Variants in THSD4 observed in about 807,000 individuals in gnomAD.
THSD4 encodes thrombospondin type-1 domain-containing protein 4.
In THSD4, 69 loss-of-function variants were observed where a neutral mutation model predicts 119.0. The observed-to-expected ratio is 0.58, with a 90% CI of 0.48 to 0.71. The LOEUF is 0.71. Ranked by LOEUF, THSD4 falls within the 30% of genes least tolerant of loss-of-function variation. The probability of loss-of-function intolerance (pLI) is 0.00; values close to 1 mark genes in which losing one functional copy is unlikely to be tolerated. For missense variants in THSD4, 1,393 were observed against 1,391.1 expected (o/e 1.00, Z -0.02); for synonymous variants, 524 against 540.4 (o/e 0.97, Z 0.42).
intron 8 of THSD4, among the ~76,000 whole-genome samples, chr15:71,674,437 A>G (rs1371391570): frequency 4.6e-5 from 7 of 152,198 alleles, no homozygotes; most frequent in African/African-American, 7.2e-5. Flanking sequence ...AATACCCTGC[A>G]TGTCAACCCT....
chr15:71,710,137 C>G (rs777404238), intron 8 of THSD4, among the ~76,000 whole-genome samples: 2 of 152,178 alleles, frequency 1.3e-5, no homozygotes, highest in Non-Finnish European at 2.9e-5. Flanking sequence ...TGGAAGTTTT[C>G]CAGTTTATTT....
At chr15:71,398,143 G>A (rs1486692699) in intron 6 of THSD4, among the ~76,000 whole-genome samples, 1 of 152,190 alleles carries the variant, frequency 6.6e-6, no homozygotes, top group Non-Finnish European at 1.5e-5. Context: ...GGCTATGACA[G>A]AGGAAGCTTC....
intron 7 of THSD4, among the ~76,000 whole-genome samples, chr15:71,640,076 T>G (rs2140961403): frequency 6.6e-6 from 1 of 152,220 alleles, no homozygotes; most frequent in South Asian, 2.1e-4. Context: ...ACGGCAACTT[T>G]TTTTTGCAAC....
chr15:71,691,719 G>A (rs1038002862), intron 8 of THSD4, among the ~76,000 whole-genome samples: 3 of 152,224 alleles, frequency 2.0e-5, no homozygotes, highest in African/African-American at 7.2e-5. Flanking sequence ...CCCCTGGGAA[G>A]TGTTTCTCTT....
intron 7 of THSD4, among the ~76,000 whole-genome samples, chr15:71,634,187 C>CAAAA (rs60080654): frequency 7.9e-6 from 1 of 126,106 alleles, no homozygotes. Context: ...AACTCCGTCT[C>CAAAA]AAAAAAAAAA....
chr15:71,584,045 C>T lies in THSD4; in HGVS notation c.1153-76485C>T, dbSNP rs1454029101. Among the ~76,000 whole-genome samples the T allele has an allele frequency of 2.6e-5, 4 of 152,038 alleles. No homozygotes were observed. In the East Asian group the frequency reaches 7.7e-4, roughly 29 times the overall value. ...TTATTGTAATGCTGTCTATTTTTAC[C>T]TTCAGTTCTGTCAATATTGGGTGCT... On this transcript the variant is annotated intron_variant, in intron 7 of 17. Coordinates refer to ENST00000261862, the MANE Select transcript of THSD4 (RefSeq NM_024817.3).
upstream of THSD4, chr15:71,113,676 G>A (rs900857507): frequency 5.3e-5 from 8 of 152,112 alleles, no homozygotes; most frequent in African/African-American, 1.7e-4. Flanking sequence ...CATCTTCTTC[G>A]CCTCACGTGG....
rs201073789 is a variant in THSD4, at chr15:71,425,368, GA to G, written c.1152+13552del. On this transcript the variant is annotated intron_variant, in intron 7 of 17. Coordinates refer to ENST00000261862, the MANE Select transcript of THSD4 (RefSeq NM_024817.3). The stretch of plus-strand genomic sequence containing the variant: ...AGAAAGAGTTGTTTATATGTGTTGG[GA>G]AAAAAATTTTCTAAGTCTTTTCCCT... Among the ~76,000 whole-genome samples the G allele has an allele frequency of 5.6e-3, 858 of 152,200 alleles. 6 individuals carry two copies. Among genetic ancestry groups the G allele is most frequent in the African/African-American group, 0.019 (792 of 41,542 alleles).
intron 6 of THSD4, among the ~76,000 whole-genome samples, chr15:71,393,312 G>A (rs766368456): frequency 1.8e-4 from 28 of 152,032 alleles, no homozygotes; most frequent in Admixed American, 7.9e-4. Flanking sequence ...AAATAACTGC[G>A]GCCTGAATGG....
In THSD4 at chr15:71,316,646, T is replaced by G. The variant is rs532647028; in HGVS notation, c.1015+59931T>G. Among the ~76,000 whole-genome samples, 52 of 152,300 alleles carry G rather than the reference T, an allele frequency of 3.4e-4. 1 individual carries two copies. In the South Asian group the frequency reaches 8.7e-3, roughly 26 times the overall value. ...AGGCCTGGCTTAGTGGCTGAAGGCC[T>G]AGATACAACTGAACCTGGGGCAAGC... is the stretch of plus-strand genomic sequence containing the variant. On this transcript the variant is annotated intron_variant, in intron 6 of 17. Coordinates refer to ENST00000261862, the MANE Select transcript of THSD4 (RefSeq NM_024817.3).
chr15:71,155,874 C>A (rs1481869528), intron 3 of THSD4, among the ~76,000 whole-genome samples: 2 of 152,096 alleles, frequency 1.3e-5, no homozygotes, highest in Admixed American at 6.6e-5. Flanking sequence ...GCTGGTGACT[C>A]CCTTTGGCCA....
At chr15:71,161,438 G>A (rs2043248950) in intron 3 of THSD4, among the ~76,000 whole-genome samples, 1 of 151,980 alleles carries the variant, frequency 6.6e-6, no homozygotes, top group South Asian at 2.1e-4. Flanking sequence ...CCAGTGTTGG[G>A]TGCATACGTA....
chr15:71,100,320 C>G, intron 1 of THSD4, among the ~76,000 whole-genome samples: 1 of 152,204 alleles, frequency 6.6e-6, no homozygotes, highest in East Asian at 1.9e-4. Flanking sequence ...TAGACTCACT[C>G]TCTTCCTGGC....
At chr15:71,145,881 G>A (rs1318739684) in intron 2 of THSD4, among the ~76,000 whole-genome samples, 1 of 152,016 alleles carries the variant, frequency 6.6e-6, no homozygotes, top group African/African-American at 2.4e-5. Context: ...AGCAGGAGGA[G>A]GAGGGGAAGA....
At chr15:71,295,969 A>T (rs2044856541) in intron 6 of THSD4, among the ~76,000 whole-genome samples, 1 of 152,206 alleles carries the variant, frequency 6.6e-6, no homozygotes, top group Non-Finnish European at 1.5e-5. Flanking sequence ...GAGGTTCATT[A>T]ATACTGTAGC....
chr15:71,424,565 T>G (rs912873269), intron 7 of THSD4, among the ~76,000 whole-genome samples: 1 of 152,172 alleles, frequency 6.6e-6, no homozygotes, highest in African/African-American at 2.4e-5. Flanking sequence ...CCCAACCCCT[T>G]TCTCCAGACA....
intron 7 of THSD4, among the ~76,000 whole-genome samples, chr15:71,598,747 A>G (rs2049952400): frequency 1.3e-5 from 2 of 151,894 alleles, no homozygotes; most frequent in Admixed American, 1.3e-4. Flanking sequence ...CCTCCCTACT[A>G]GCTGGGACTA....
chr15:71,776,163 A>C (rs1490424924), intron 17 of THSD4, among the ~76,000 whole-genome samples: 1 of 152,246 alleles, frequency 6.6e-6, no homozygotes, highest in African/African-American at 2.4e-5. Flanking sequence ...TTCAGAGTAC[A>C]GAAGGGTTTT....
Position 71,734,901 on chromosome 15 carries a change from C to T in THSD4, c.1631-2831C>T, listed in dbSNP as rs182484573. On this transcript the variant is annotated intron_variant, in intron 10 of 17. Transcript: ENST00000261862. Reference sequence around the variant, plus strand: ...AGTCTAACCCTTTGGTGGGATTTTGCCTAGCCCTTTTCTATGCATACACAA... The same window carrying T: ...AGTCTAACCCTTTGGTGGGATTTTGTCTAGCCCTTTTCTATGCATACACAA... Among the ~76,000 whole-genome samples, 36 of 151,934 alleles carry T rather than the reference C, an allele frequency of 2.4e-4. 1 individual carries two copies. The highest frequency in any genetic ancestry group is 1.8e-3 in the Admixed American group (28 of 15,268).
Sources: allele counts gnomAD v4.1 joint callset (sites outside exome capture counted in the v4.1 genomes callset), GRCh38; gene constraint gnomAD v4.1.1; transcripts MANE v1.5; gene names NCBI Gene and HGNC (gene_info 2026-07-23, HGNC 2026-07-21).